Variants in KCNH8 observed in about 807,000 individuals in gnomAD.
The protein encoded by KCNH8 is potassium voltage-gated channel subfamily H member 8.
Under a neutral mutation model 103.6 loss-of-function variants are expected in KCNH8, and 70 were observed. The ratio of observed to expected loss-of-function variants is 0.68; its 90% CI spans 0.56 to 0.82. KCNH8 has a LOEUF of 0.82. KCNH8 is among the 40% of genes least tolerant of loss of function. The pLI is 0.00. For missense variants in KCNH8, 1,217 were observed against 1,329.9 expected (o/e 0.92, Z 1.32); for synonymous variants, 498 against 489.4 (o/e 1.02, Z -0.23).
intron 2 of KCNH8, among the ~76,000 whole-genome samples, chr3:19,269,402 A>G (rs191992361): frequency 6.6e-6 from 1 of 152,260 alleles, no homozygotes; most frequent in East Asian, 1.9e-4. Flanking sequence ...ACAGTAAAAG[A>G]AATCTTGTTA....
intron 5 of KCNH8, among the ~76,000 whole-genome samples, chr3:19,361,515 C>A (rs1320772410): frequency 6.6e-6 from 1 of 152,100 alleles, no homozygotes; most frequent in Non-Finnish European, 1.5e-5. Context: ...TTGAGTAGTT[C>A]TAGTTTGCCG....
intron 1 of KCNH8, among the ~76,000 whole-genome samples, chr3:19,160,738 C>T (rs1447116386): frequency 6.6e-5 from 10 of 152,038 alleles, no homozygotes; most frequent in Admixed American, 6.6e-4. Flanking sequence ...CTCACGCTAT[C>T]CCACTCCATC....
intron 3 of KCNH8, among the ~76,000 whole-genome samples, chr3:19,288,402 C>T (rs1342025872): frequency 6.6e-6 from 1 of 151,324 alleles, no homozygotes; most frequent in Non-Finnish European, 1.5e-5. Flanking sequence ...CACAACAGGC[C>T]CCAGTGTGTG....
intron 1 of KCNH8, among the ~76,000 whole-genome samples, chr3:19,221,722 T>C (rs1205382328): frequency 2.6e-5 from 4 of 152,220 alleles, no homozygotes; most frequent in Non-Finnish European, 4.4e-5. Flanking sequence ...TAAAGTTTAA[T>C]GTCATTTGGT....
At chr3:19,230,070 G>T (rs1412093899) in intron 1 of KCNH8, among the ~76,000 whole-genome samples, 1 of 152,118 alleles carries the variant, frequency 6.6e-6, no homozygotes, top group Admixed American at 6.5e-5. Flanking sequence ...AGAAAATGAG[G>T]AAGTTGCAAA....
At chr3:19,498,564 C>A (rs1029541950) in intron 11 of KCNH8, among the ~76,000 whole-genome samples, 4 of 152,002 alleles carry the variant, frequency 2.6e-5, no homozygotes, top group Non-Finnish European at 2.9e-5. Flanking sequence ...TCGTCTGAAG[C>A]CTTCTTCTCT....
intron 3 of KCNH8, among the ~76,000 whole-genome samples, chr3:19,331,265 ATTTATTTATTTATTTAT>A (rs1280512693): frequency 7.2e-6 from 1 of 138,754 alleles, no homozygotes; most frequent in Non-Finnish European, 1.6e-5. Flanking sequence ...TTATTTATTT[ATTTATTTATTTATTTAT>A]TTATTGTTGT....
chr3:19,294,057 T>C (rs772537160), intron 3 of KCNH8, among the ~76,000 whole-genome samples: 5 of 152,204 alleles, frequency 3.3e-5, no homozygotes, highest in Non-Finnish European at 7.3e-5. Context: ...ATTTTTCATG[T>C]ATTTACCTTA....
intron 1 of KCNH8, among the ~76,000 whole-genome samples, chr3:19,190,588 C>T (rs143137623): frequency 6.2e-4 from 94 of 151,952 alleles, no homozygotes; most frequent in African/African-American, 2.1e-3. Flanking sequence ...GGGAATAATA[C>T]GTGTCCAATG....
intron 5 of KCNH8, among the ~76,000 whole-genome samples, chr3:19,369,973 GC>G (rs2066065176): frequency 6.6e-6 from 1 of 151,928 alleles, no homozygotes; most frequent in African/African-American, 2.4e-5. Context: ...GGTTTTTGTT[GC>G]TGTTTTAATA....
intron 5 of KCNH8, among the ~76,000 whole-genome samples, chr3:19,351,257 G>T (rs540430124): frequency 6.6e-6 from 1 of 152,282 alleles, no homozygotes; most frequent in African/African-American, 2.4e-5. Context: ...ATCTACATCT[G>T]ATTGGTGTAC....
rs377600738 is a variant in KCNH8 at position 19,157,146 on chromosome 3, A to T, written c.76+8351A>T. On this transcript the variant is annotated intron_variant, in intron 1 of 15. Transcript: ENST00000328405. The stretch of plus-strand genomic sequence containing the variant: ...TTTATTTGATTTTCTGGAAAAAAGG[A>T]TCCACATAAGAAGTTCAGATTTTAT... 1.4e-4 allele frequency among the ~76,000 whole-genome samples: 22 copies of T among 152,200 alleles called. No individual in the cohort carries two copies. The East Asian group carries it at 3.3e-3, about 23-fold the overall frequency.
At chr3:19,179,640 T>C (rs2063432247) in intron 1 of KCNH8, among the ~76,000 whole-genome samples, 1 of 152,168 alleles carries the variant, frequency 6.6e-6, no homozygotes, top group Non-Finnish European at 1.5e-5. Context: ...TACAATAAAA[T>C]CATTCTCTTT....
intron 1 of KCNH8, among the ~76,000 whole-genome samples, chr3:19,157,517 T>A (rs1396659770): frequency 6.6e-6 from 1 of 152,110 alleles, no homozygotes; most frequent in Non-Finnish European, 1.5e-5. Context: ...TGTTTAGCTG[T>A]ACAGTACTCA....
At chr3:19,348,702 A>G (rs986228732) in intron 5 of KCNH8, among the ~76,000 whole-genome samples, 1 of 152,034 alleles carries the variant, frequency 6.6e-6, no homozygotes, top group Non-Finnish European at 1.5e-5. Context: ...GACTGTCATT[A>G]GCAGCTGATA....
intron 5 of KCNH8, among the ~76,000 whole-genome samples, chr3:19,382,006 A>G (rs969703717): frequency 1.3e-5 from 2 of 152,172 alleles, no homozygotes; most frequent in Admixed American, 6.5e-5. Context: ...TTCCAGTTAT[A>G]TCTCTATCCA....
chr3:19,413,014 A>T (rs575405523), intron 7 of KCNH8, among the ~76,000 whole-genome samples: 6 of 152,164 alleles, frequency 3.9e-5, no homozygotes, highest in African/African-American at 1.4e-4. Context: ...TCATTACTGG[A>T]TATATATCCA....
At chr3:19,222,536 A>G (rs374914641) in intron 1 of KCNH8, among the ~76,000 whole-genome samples, 126 of 152,318 alleles carry the variant, frequency 8.3e-4, no homozygotes, top group African/African-American at 2.9e-3. Flanking sequence ...TTTGTTTGGC[A>G]TTTCCAGTCA....
At chr3:19,163,004 T>G (rs994873739) in intron 1 of KCNH8, among the ~76,000 whole-genome samples, 2 of 152,028 alleles carry the variant, frequency 1.3e-5, no homozygotes, top group African/African-American at 4.8e-5. Flanking sequence ...ATTAAAATTT[T>G]TATGGTCTGT....
Sources: allele counts gnomAD v4.1 joint callset (sites outside exome capture counted in the v4.1 genomes callset), GRCh38; gene constraint gnomAD v4.1.1; transcripts MANE v1.5; gene names NCBI Gene and HGNC (gene_info 2026-07-23, HGNC 2026-07-21).